The following KIAA0825 variants were observed in gnomAD, a reference collection of about 807,000 sequenced individuals.
KIAA0825 encodes the protein KIAA0825.
Under a neutral mutation model 147.6 loss-of-function variants are expected in KIAA0825, and 119 were observed. That is an observed-to-expected ratio of 0.81 (90% confidence interval 0.69 to 0.94). KIAA0825 has a LOEUF of 0.94. KIAA0825 is among the 40% of genes least tolerant of loss of function. The pLI is 0.00. For synonymous variants in KIAA0825, 470 were observed against 518.1 expected (o/e 0.91, Z 1.26); for missense variants, 1,381 against 1,472.7 (o/e 0.94, Z 1.02).
chr5:94,213,435 C>G (rs1306332315), intron 20 of KIAA0825, among the ~76,000 whole-genome samples: 1 of 152,164 alleles, frequency 6.6e-6, no homozygotes, highest in Non-Finnish European at 1.5e-5. Flanking sequence ...CCACCTAATA[C>G]TACCTCTTTT....
At chr5:94,465,391 G>C (rs1164514370) in intron 10 of KIAA0825, among the ~76,000 whole-genome samples, 1 of 152,194 alleles carries the variant, frequency 6.6e-6, no homozygotes, top group Non-Finnish European at 1.5e-5. Flanking sequence ...GCTTGTTTAA[G>C]ATAGTGGACT....
chr5:94,434,826 T>C (rs975618444), intron 14 of KIAA0825, among the ~76,000 whole-genome samples: 3 of 152,202 alleles, frequency 2.0e-5, no homozygotes, highest in Admixed American at 2.0e-4. Flanking sequence ...AATTCATTCA[T>C]GAAGGCAGAG....
At chr5:94,204,678 A>C (rs1412555522) in intron 20 of KIAA0825, among the ~76,000 whole-genome samples, 1 of 152,210 alleles carries the variant, frequency 6.6e-6, no homozygotes, top group Non-Finnish European at 1.5e-5. Flanking sequence ...GAAATGGAAG[A>C]ATATACAAAA....
intron 20 of KIAA0825, among the ~76,000 whole-genome samples, chr5:94,160,576 T>A (rs144050123): frequency 0.035 from 5,200 of 148,224 alleles, 201 homozygotes; most frequent in East Asian, 0.15. Flanking sequence ...TGTATGTGTA[T>A]ATATTAAATA....
At chr5:94,291,952 C>T (rs1777916435) in intron 20 of KIAA0825, among the ~76,000 whole-genome samples, 1 of 152,150 alleles carries the variant, frequency 6.6e-6, no homozygotes, top group Non-Finnish European at 1.5e-5. Flanking sequence ...GATTTTCGCA[C>T]ATTGATTTTG....
intron 1 of KIAA0825, chr5:94,593,460 A>G (rs1784706521): frequency 1.4e-6 from 1 of 701,282 alleles, no homozygotes; most frequent in East Asian, 2.5e-5. Flanking sequence ...TCAACGTTGC[A>G]AAAAGAATGG....
At chr5:94,462,639 C>G (rs1759977733) in intron 11 of KIAA0825, 70 bp from the exon 12 acceptor site, 1 of 866,702 alleles carries the variant, frequency 1.2e-6, no homozygotes, top group South Asian at 2.1e-5. Context: ...CACTTTCATT[C>G]ATATCTCTTG....
At position 94,386,372 on chromosome 5, in the gene KIAA0825, A is replaced by G. The variant is rs1319543040; in HGVS notation, c.3489T>C (p.Asn1163=). Residue 1163 remains asparagine (N), a synonymous_variant, in exon 19 of 21, where the codon AAT becomes AAC. Coordinates refer to ENST00000682413, the MANE Select transcript of KIAA0825 (RefSeq NM_001145678.3). ...TGGGTAATGGCTTTTCCTCTGAACT[A>G]TTCATAGAAAACAGCTGTTCTTTTA... ...EYLKEQLFSM[N]SSEEKPLPIR... is the part of the protein sequence containing the mutation. The G allele has an allele frequency of 1.9e-6, 3 of 1,550,530 alleles. No homozygotes were observed. The highest frequency in any genetic ancestry group is 2.6e-6 in the Non-Finnish European group (3 of 1,146,514).
intron 20 of KIAA0825, among the ~76,000 whole-genome samples, chr5:94,201,252 A>C (rs952013753): frequency 6.6e-6 from 1 of 151,238 alleles, no homozygotes; most frequent in Non-Finnish European, 1.5e-5. Flanking sequence ...TAATTAATGT[A>C]ATAGATTTAA....
At chr5:94,495,004 C>T (rs982264913) in intron 5 of KIAA0825, among the ~76,000 whole-genome samples, 3 of 152,016 alleles carry the variant, frequency 2.0e-5, no homozygotes, top group African/African-American at 4.8e-5. Context: ...ACTTTCCAAC[C>T]GAATCACAGC....
chr5:94,531,721 T>G (rs2151298673), intron 3 of KIAA0825, among the ~76,000 whole-genome samples: 1 of 152,292 alleles, frequency 6.6e-6, no homozygotes, highest in South Asian at 2.1e-4. Context: ...GAGGTAGGGA[T>G]TCTTTGAGAT....
chr5:94,591,539 C>A (rs1198545328), intron 1 of KIAA0825, among the ~76,000 whole-genome samples: 2 of 152,220 alleles, frequency 1.3e-5, no homozygotes, highest in Non-Finnish European at 2.9e-5. Context: ...GCATACTGAT[C>A]ATTACCAACC....
chr5:94,236,620 A>G (rs567625640), intron 20 of KIAA0825, among the ~76,000 whole-genome samples: 1 of 152,370 alleles, frequency 6.6e-6, no homozygotes, highest in South Asian at 2.1e-4. Context: ...AAATGCTGTC[A>G]AACAGCATCG....
At chr5:94,313,505 A>G (rs180690357) in intron 20 of KIAA0825, among the ~76,000 whole-genome samples, 40 of 151,770 alleles carry the variant, frequency 2.6e-4, no homozygotes, top group African/African-American at 9.6e-4. Context: ...TTTTATACAA[A>G]TGGATTAAGT....
intron 3 of KIAA0825, among the ~76,000 whole-genome samples, chr5:94,530,769 C>T (rs1770636333): frequency 6.6e-6 from 1 of 151,774 alleles, no homozygotes; most frequent in South Asian, 2.1e-4. Context: ...GTTCCCTCCC[C>T]TGTTTCTGCT....
intron 1 of KIAA0825, among the ~76,000 whole-genome samples, chr5:94,612,887 T>C (rs2152443604): frequency 6.6e-6 from 1 of 152,248 alleles, no homozygotes; most frequent in Admixed American, 6.5e-5. Flanking sequence ...CTAGAGACCT[T>C]AATAATTTTT....
At chr5:94,610,464 A>G (rs1788505226) in intron 1 of KIAA0825, among the ~76,000 whole-genome samples, 1 of 148,810 alleles carries the variant, frequency 6.7e-6, no homozygotes, top group Non-Finnish European at 1.5e-5. Context: ...AAAAGAAAAA[A>G]GAAAAGTCAT....
At chr5:94,330,405 C>G (rs1264933632) in intron 20 of KIAA0825, among the ~76,000 whole-genome samples, 1 of 151,916 alleles carries the variant, frequency 6.6e-6, no homozygotes, top group Admixed American at 6.6e-5. Context: ...AAGTAGAAAT[C>G]AATAACAAGG....
chr5:94,265,307 T>C (rs1236038540), intron 20 of KIAA0825, among the ~76,000 whole-genome samples: 2 of 152,228 alleles, frequency 1.3e-5, no homozygotes, highest in Non-Finnish European at 2.9e-5. Flanking sequence ...TGTGGACTGT[T>C]GTCAGTCCCA....
Sources: gnomAD v4.1 joint callset for allele counts (sites outside exome capture counted in the v4.1 genomes callset) on GRCh38, gnomAD v4.1.1 for gene constraint, MANE v1.5 for transcripts, NCBI Gene and HGNC (gene_info 2026-07-23, HGNC 2026-07-21) for gene names.